TG: variants seen among roughly 807,000 people sequenced by gnomAD.
The protein encoded by TG is thyroglobulin.
In TG, 270 loss-of-function variants were observed where a neutral mutation model predicts 324.7. That is an observed-to-expected ratio of 0.83 (90% confidence interval 0.75 to 0.92). The LOEUF (loss-of-function observed/expected upper bound fraction) is 0.92, where lower values mean the gene tolerates loss of function less well. Ranked by LOEUF, TG falls within the 40% of genes least tolerant of loss-of-function variation. The pLI is 0.00. For synonymous variants in TG, 1,401 were observed against 1,327.0 expected (o/e 1.06, Z -1.21); for missense variants, 3,591 against 3,456.4 (o/e 1.04, Z -0.98).
At chr8:132,994,829 G>A in intron 35 of TG, 1 of 1,283,882 alleles carries the variant, frequency 7.8e-7, no homozygotes, top group African/African-American at 1.5e-5. Flanking sequence ...GAGGAGAGAA[G>A]GGGCTGGGTC....
At chr8:133,054,276 A>C (rs1587905666) in intron 41 of TG, among the ~76,000 whole-genome samples, 1 of 152,306 alleles carries the variant, frequency 6.6e-6, no homozygotes, top group South Asian at 2.1e-4. Context: ...TTGCAGACTT[A>C]AGATAAGGAA....
At chr8:133,129,972 T>G (rs1851822345) in intron 45 of TG, among the ~76,000 whole-genome samples, 2 of 152,304 alleles carry the variant, frequency 1.3e-5, no homozygotes, top group African/African-American at 4.8e-5. Flanking sequence ...GGACTCCCAC[T>G]CTTAAGCTTT....
intron 45 of TG, among the ~76,000 whole-genome samples, chr8:133,128,337 GCACA>G (rs59451880): frequency 0.011 from 1,416 of 133,764 alleles, 26 homozygotes; most frequent in South Asian, 0.019. Flanking sequence ...CAAAAGGCGT[GCACA>G]CACACACACA....
intron 41 of TG, chr8:133,060,361 T>G: frequency 6.5e-7 from 1 of 1,539,040 alleles, no homozygotes. Flanking sequence ...GATTGGTTAC[T>G]TTTGCGCAGC....
At position 133,042,678 on chromosome 8, in the gene TG, C is replaced by CTTTTTTTTTTTTTTT. The variant is rs58739514; in HGVS notation, c.7239+12672_7239+12686dup. Among the ~76,000 whole-genome samples the CTTTTTTTTTTTTTTT allele has an allele frequency of 3.9e-4, 22 of 56,764 alleles. 2 individuals carry two copies. Among genetic ancestry groups the CTTTTTTTTTTTTTTT allele is most frequent in the African/African-American group, 6.9e-4 (10 of 14,488 alleles). 37.2% of individuals were successfully genotyped at this position (56,764 alleles called of 152,430 possible). A position where few individuals can be genotyped will look rare whatever the true frequency, so the allele number is the denominator to read the frequency against. Reference sequence around the variant, plus strand: ...GTGCACAATTCCTCTCATTCTGTGTCTTTTTTTTTTTTTTTTTTTTTTTTT... The same window carrying CTTTTTTTTTTTTTTT: ...GTGCACAATTCCTCTCATTCTGTGTCTTTTTTTTTTTTTTTTTTTTTTTTTTTTTTTTTTTTTTTT... On this transcript the variant is annotated intron_variant, in intron 41 of 47. Transcript: ENST00000220616.
At chr8:133,094,442 G>A (rs1426923927) in intron 41 of TG, among the ~76,000 whole-genome samples, 1 of 151,784 alleles carries the variant, frequency 6.6e-6, no homozygotes, top group African/African-American at 2.4e-5. Flanking sequence ...GGGTTTCACT[G>A]TGTTAGCCAG....
chr8:132,959,534 A>G (rs1166507520), intron 27 of TG, among the ~76,000 whole-genome samples: 1 of 152,248 alleles, frequency 6.6e-6, no homozygotes, highest in East Asian at 1.9e-4. Flanking sequence ...AAATAAAAGT[A>G]TATAGAGCGT....
intron 27 of TG, among the ~76,000 whole-genome samples, chr8:132,958,708 C>T (rs1224203845): frequency 5.8e-5 from 3 of 51,574 alleles, no homozygotes; most frequent in African/African-American, 2.8e-4. Flanking sequence ...AAGACTTTGT[C>T]TCAAAAAAAA....
chr8:133,059,835 TAA>T (rs1170901143), intron 41 of TG, among the ~76,000 whole-genome samples: 1 of 152,114 alleles, frequency 6.6e-6, no homozygotes, highest in Non-Finnish European at 1.5e-5. Context: ...ATCTGGAAAA[TAA>T]AGTGATTAAA....
chr8:133,097,822 T>C lies in TG; in HGVS notation c.7572+1449T>C, dbSNP rs185874091. Among the ~76,000 whole-genome samples, 71 of 152,262 alleles carry C rather than the reference T, an allele frequency of 4.7e-4. 1 individual carries two copies. Among genetic ancestry groups the C allele is most frequent in the Middle Eastern group, 6.8e-3 (2 of 294 alleles). On this transcript the variant is annotated intron_variant, in intron 43 of 47. Transcript: ENST00000220616. ...TATTATATATATTTATGTGTGCGTG[T>C]GTATGTAGAGAGAGAGAAAGAAGCA...
intron 34 of TG, among the ~76,000 whole-genome samples, chr8:132,977,639 T>A (rs1830330712): frequency 6.6e-6 from 1 of 152,054 alleles, no homozygotes; most frequent in Admixed American, 6.6e-5. Context: ...AGAGAGAAAT[T>A]GTGCAGGGAA....
At chr8:133,069,137 T>G (rs572301147) in intron 41 of TG, among the ~76,000 whole-genome samples, 1 of 152,310 alleles carries the variant, frequency 6.6e-6, no homozygotes, top group Middle Eastern at 3.4e-3. Flanking sequence ...AAGGTGGAGG[T>G]AGATGGAAAC....
rs1182285377 is a variant in TG, at chr8:132,899,016, T to G, written c.3330+106T>G. On this transcript the variant is annotated intron_variant, in intron 14 of 47. Coordinates refer to ENST00000220616, the MANE Select transcript of TG (RefSeq NM_003235.5). ...TCAGCTTAGTTAAAAGCTCACATGA[T>G]GTTCTCAGCCTGGGTGTTTGTCTGG... The G allele has an allele frequency of 3.9e-6, 4 of 1,014,046 alleles. No homozygotes were observed. The East Asian group carries it at 1.0e-4, about 26-fold the overall frequency. 62.8% of individuals were successfully genotyped at this position (1,014,046 alleles called of 1,614,324 possible).
chr8:133,001,349 G>C (rs1833476825), intron 35 of TG, among the ~76,000 whole-genome samples: 2 of 152,186 alleles, frequency 1.3e-5, no homozygotes, highest in Non-Finnish European at 1.5e-5. Flanking sequence ...GCTGAATGGA[G>C]AGGTCAGGAT....
intron 14 of TG, 56 bp downstream of exon 14, chr8:132,898,966 TGA>T: frequency 6.8e-7 from 1 of 1,468,684 alleles, no homozygotes; most frequent in South Asian, 1.2e-5. Context: ...TGGTCAGAGA[TGA>T]TTTTTCTTTT....
In TG at chr8:132,900,005, A is replaced by C. The variant is rs549509950; in HGVS notation, c.3331-232A>C. On this transcript the variant is annotated intron_variant, in intron 14 of 47. Transcript: ENST00000220616. ...GAGAGATCTTCAGTTTCACCCACCC[A>C]AAAGCGGGAGAACTGTGGTCCATGC... Among the ~76,000 whole-genome samples the C allele has an allele frequency of 2.6e-4, 39 of 152,318 alleles. No homozygotes were observed. In the South Asian group the frequency reaches 3.7e-3, roughly 15 times the overall value.
chr8:132,978,728 G>A (rs1425523324), intron 34 of TG, among the ~76,000 whole-genome samples: 3 of 152,176 alleles, frequency 2.0e-5, no homozygotes, highest in East Asian at 3.9e-4. Context: ...ACTAGCCATA[G>A]GCAGTAGGTA....
intron 40 of TG, among the ~76,000 whole-genome samples, chr8:133,027,522 G>C (rs1311085983): frequency 6.6e-6 from 1 of 152,204 alleles, no homozygotes; most frequent in African/African-American, 2.4e-5. Flanking sequence ...GCAGCAGAGG[G>C]GGCGGCCCCT....
intron 27 of TG, among the ~76,000 whole-genome samples, chr8:132,954,068 T>C (rs1226675220): frequency 6.6e-6 from 1 of 152,066 alleles, no homozygotes; most frequent in Non-Finnish European, 1.5e-5. Flanking sequence ...TGTTGAGTGA[T>C]TGTGAGGCTT....
Sources: allele counts gnomAD v4.1 joint callset (sites outside exome capture counted in the v4.1 genomes callset), GRCh38; gene constraint gnomAD v4.1.1; transcripts MANE v1.5; gene names NCBI Gene and HGNC (gene_info 2026-07-23, HGNC 2026-07-21).